The following RTP2 variants were observed in gnomAD, a reference collection of about 807,000 sequenced individuals.
RTP2 encodes receptor transporter protein 2.
Under a neutral mutation model 17.9 loss-of-function variants are expected in RTP2, and 12 were observed. The observed-to-expected ratio is 0.67, with a 90% CI of 0.43 to 1.09. RTP2 has a LOEUF of 1.09. Among genes scored for constraint, RTP2 ranks in the 50% least tolerant of loss-of-function variants. The probability of loss-of-function intolerance (pLI) is 0.00; values close to 1 mark genes in which losing one functional copy is unlikely to be tolerated. For missense variants in RTP2, 327 were observed against 295.7 expected (o/e 1.11, Z -0.78); for synonymous variants, 126 against 117.7 (o/e 1.07, Z -0.46).
chr3:187,709,268 G>A, the RTP2 span, among the ~76,000 whole-genome samples: 2 of 152,264 alleles, frequency 1.3e-5, no homozygotes, highest in Non-Finnish European at 2.9e-5. Flanking sequence ...GTGCACAATG[G>A]CTTGTGAGAC....
chr3:187,710,094 T>C, the RTP2 span, among the ~76,000 whole-genome samples: 3 of 152,224 alleles, frequency 2.0e-5, no homozygotes, highest in East Asian at 5.8e-4. Context: ...ATCCAATCCA[T>C]TAAGGGCCTG....
the RTP2 span, among the ~76,000 whole-genome samples, chr3:187,713,576 T>C: frequency 6.6e-6 from 1 of 152,222 alleles, no homozygotes; most frequent in Non-Finnish European, 1.5e-5. Flanking sequence ...CATTGATTAC[T>C]TGGTTCACAC....
exon 1 of RTP2, chr3:187,702,185 G>A (rs146718209): frequency 0.012 from 17,839 of 1,518,292 alleles, 199 homozygotes; most frequent in South Asian, 0.038. Context: ...CACAGAAAGA[G>A]CACGGATAGG....
At chr3:187,700,028 G>T (rs1038518643) in intron 1 of RTP2, among the ~76,000 whole-genome samples, 8 of 152,218 alleles carry the variant, frequency 5.3e-5, no homozygotes, top group African/African-American at 1.9e-4. Context: ...TTCACAGGCA[G>T]TCAGATGTCC....
At chr3:187,705,785 T>C (rs1327142096), upstream of RTP2, among the ~76,000 whole-genome samples, 2 of 152,204 alleles carry the variant, frequency 1.3e-5, no homozygotes, top group African/African-American at 4.8e-5. Flanking sequence ...GAATTGACTA[T>C]GTACTTCAAT....
chr3:187,714,965 GAA>G, the RTP2 span, among the ~76,000 whole-genome samples: 3 of 148,046 alleles, frequency 2.0e-5, no homozygotes, highest in African/African-American at 7.4e-5. Flanking sequence ...TGTACGTTAG[GAA>G]AAAAAAAACA....
At chr3:187,700,529 C>T (rs1717818338) in intron 1 of RTP2, among the ~76,000 whole-genome samples, 1 of 152,240 alleles carries the variant, frequency 6.6e-6, no homozygotes, top group Non-Finnish European at 1.5e-5. Context: ...ACTCTGGATC[C>T]TGGGCACTCA....
chr3:187,704,916 T>C (rs2108544260), upstream of RTP2, among the ~76,000 whole-genome samples: 1 of 152,304 alleles, frequency 6.6e-6, no homozygotes, highest in South Asian at 2.1e-4. Context: ...TACGCTGCCC[T>C]TTTATTAATT....
the RTP2 span, among the ~76,000 whole-genome samples, chr3:187,711,371 C>A: frequency 3.9e-5 from 6 of 152,202 alleles, no homozygotes; most frequent in East Asian, 1.2e-3. Flanking sequence ...TGCACTATGC[C>A]ATTAGGGAAC....
chr3:187,698,639 G>A lies in RTP2; in HGVS notation c.537C>T (p.Tyr179=), dbSNP rs200261302. The A allele has an allele frequency of 4.5e-5, 72 of 1,614,254 alleles. No homozygotes were observed. The East Asian group carries it at 6.9e-4, about 15-fold the overall frequency. Residue 179 remains tyrosine (Y), a synonymous_variant, in exon 2 of 2, where the codon TAC becomes TAT. Transcript: ENST00000358241. ...CCCTCGGCTTGGAGGCTTCAGAGGT[G>A]TAGGTGGTCACCTCCTCCTCCAGCA...
At position 187,701,878 on chromosome 3, in the gene RTP2, C is replaced by T. The variant is rs1379880181; in HGVS notation, c.164+87G>A. ...CTGAGCTGACACCAGAATAAGCCCG[C>T]GACTGGGCTCTGTCTCTCCTTGGAA... On this transcript the variant is annotated intron_variant, in intron 1 of 1. Transcript: ENST00000358241. 2.4e-5 allele frequency: 32 copies of T among 1,335,434 alleles called. No homozygotes were observed. The Admixed American group carries it at 3.1e-4, about 13-fold the overall frequency. The allele number at this position is 1,335,434 out of a possible 1,614,324, so 82.7% of individuals were successfully genotyped here.
intron 1 of RTP2, among the ~76,000 whole-genome samples, chr3:187,699,599 AG>A (rs1223860214): frequency 3.9e-5 from 6 of 151,970 alleles, no homozygotes; most frequent in Non-Finnish European, 8.8e-5. Context: ...GGCTTTTAGG[AG>A]GAACTACCAA....
At chr3:187,698,916 A>C in exon 2 of RTP2, 3 of 1,610,398 alleles carry the variant, frequency 1.9e-6, no homozygotes, top group Non-Finnish European at 2.5e-6. Context: ...GCGCATGCGC[A>C]CCGAGCCCGC....
chr3:187,703,020 G>A (rs146353917), upstream of RTP2, among the ~76,000 whole-genome samples: 187 of 152,216 alleles, frequency 1.2e-3, no homozygotes, highest in Non-Finnish European at 1.3e-3. Flanking sequence ...GGCTCCTGCT[G>A]CCTCCATTAC....
chr3:187,702,927 G>GA (rs1433634888), upstream of RTP2, among the ~76,000 whole-genome samples: 4 of 152,090 alleles, frequency 2.6e-5, no homozygotes, highest in Admixed American at 2.6e-4. Context: ...TAGCGTCATA[G>GA]AACTGTTAGA....
chr3:187,704,376 A>G (rs1216742193), upstream of RTP2, among the ~76,000 whole-genome samples: 4 of 152,208 alleles, frequency 2.6e-5, no homozygotes, highest in Non-Finnish European at 5.9e-5. Flanking sequence ...AAAGGTGTGT[A>G]CATCAAAATC....
At chr3:187,702,758 C>G (rs1579784030), upstream of RTP2, among the ~76,000 whole-genome samples, 1 of 152,326 alleles carries the variant, frequency 6.6e-6, no homozygotes, top group East Asian at 1.9e-4. Flanking sequence ...CCTTCTGAAA[C>G]CGAGCTCATT....
chr3:187,708,190 C>G, the RTP2 span, among the ~76,000 whole-genome samples: 7 of 152,126 alleles, frequency 4.6e-5, no homozygotes, highest in Admixed American at 4.6e-4. Flanking sequence ...GACAAATGAA[C>G]ACAGACACCC....
the RTP2 span, among the ~76,000 whole-genome samples, chr3:187,715,173 G>C: frequency 6.6e-6 from 1 of 152,066 alleles, no homozygotes; most frequent in Non-Finnish European, 1.5e-5. Flanking sequence ...TTCTAAATGG[G>C]GTAGGATCTT....
Sources: gnomAD v4.1 joint callset for allele counts (sites outside exome capture counted in the v4.1 genomes callset) on GRCh38, gnomAD v4.1.1 for gene constraint, MANE v1.5 for transcripts, NCBI Gene and HGNC (gene_info 2026-07-23, HGNC 2026-07-21) for gene names.